BRWD3: variants seen among roughly 807,000 people sequenced by gnomAD.
BRWD3 encodes bromodomain and WD repeat-containing protein 3.
BRWD3 carries 10 observed loss-of-function variants against 149.7 expected under a neutral mutation model. The observed-to-expected ratio is 0.07, with a 90% CI of 0.04 to 0.11. The LOEUF is 0.11. Ranked by LOEUF, BRWD3 falls within the 10% of genes least tolerant of loss-of-function variation. The probability of loss-of-function intolerance (pLI) is 1.00; values close to 1 mark genes in which losing one functional copy is unlikely to be tolerated. For synonymous variants in BRWD3, 504 were observed against 456.7 expected, an observed-to-expected ratio of 1.10 and a Z score of -1.32; for missense variants, 940 against 1,373.2, an observed-to-expected ratio of 0.68 and a Z score of 4.99.
chrX:80,802,524 C>A (rs2074311255), intron 4 of BRWD3, among the ~76,000 whole-genome samples: 1 of 105,583 alleles, frequency 9.5e-6, no homozygotes, highest in Non-Finnish European at 1.9e-5. Context: ...AATATAACAT[C>A]TGGGGTCATA....
intron 14 of BRWD3, among the ~76,000 whole-genome samples, chrX:80,725,807 T>C (rs2073214345): frequency 1.1e-5 from 1 of 94,165 alleles, no homozygotes; most frequent in African/African-American, 4.3e-5. Flanking sequence ...TGTTTACATG[T>C]GTTACATGCC....
intron 4 of BRWD3, among the ~76,000 whole-genome samples, chrX:80,807,355 T>C (rs1241148870): frequency 8.9e-6 from 1 of 112,281 alleles, no homozygotes; most frequent in Non-Finnish European, 1.9e-5. Context: ...AATAATAATG[T>C]GGCCTCACTG....
At chrX:80,760,785 T>A (rs1331479044) in intron 6 of BRWD3, among the ~76,000 whole-genome samples, 1 of 111,870 alleles carries the variant, frequency 8.9e-6, no homozygotes, top group Non-Finnish European at 1.9e-5. Context: ...ATGCAACCCA[T>A]TATTTTAGAA....
chrX:80,695,848 T>C, intron 27 of BRWD3, 60 bp downstream of exon 27: 1 of 968,370 alleles, frequency 1.0e-6, no homozygotes, highest in Non-Finnish European at 1.5e-6. Context: ...TAAATCACAG[T>C]TAAAAAGTTA....
chrX:80,741,265 T>C lies in BRWD3; in HGVS notation c.813+2767A>G, dbSNP rs923173884. 6.2e-5 allele frequency among the ~76,000 whole-genome samples: 7 copies of C among 112,174 alleles called. 1 individual carries two copies. ...CATCACTTTGTATGGCTGCATAGTA[T>C]TCCATGGTGTATATGTGCCACATTT... On this transcript the variant is annotated intron_variant, in intron 8 of 40. Transcript: ENST00000373275.
chrX:80,809,325 G>C (rs1294702466), intron 1 of BRWD3, 21 bp from the exon 2 acceptor site: 3 of 1,179,487 alleles, frequency 2.5e-6, no homozygotes, highest in Non-Finnish European at 1.1e-6. Context: ...GGGGGGAAAA[G>C]AGGTTCAGAG....
intron 4 of BRWD3, among the ~76,000 whole-genome samples, chrX:80,802,460 A>AT (rs1400167604): frequency 9.3e-5 from 10 of 107,881 alleles, no homozygotes; most frequent in Non-Finnish European, 1.9e-4. Context: ...AAAAAAAAAA[A>AT]AAAAAAAATT....
chrX:80,776,984 G>C (rs2074005859), intron 6 of BRWD3, among the ~76,000 whole-genome samples: 1 of 110,167 alleles, frequency 9.1e-6, no homozygotes, highest in African/African-American at 3.3e-5. Context: ...TGTTACTTGG[G>C]AGTTTACTCG....
chrX:80,726,691 A>C (rs779427655), intron 14 of BRWD3, among the ~76,000 whole-genome samples: 7 of 110,806 alleles, frequency 6.3e-5, no homozygotes, highest in Non-Finnish European at 1.3e-4. Context: ...ATCCTACCAT[A>C]TTACGATTAT....
At chrX:80,788,923 G>T (rs1305120764) in intron 6 of BRWD3, among the ~76,000 whole-genome samples, 1 of 111,739 alleles carries the variant, frequency 8.9e-6, no homozygotes, top group East Asian at 2.8e-4. Context: ...AAAGATTAGT[G>T]GTTTCCAGGG....
chrX:80,700,095 C>G, intron 24 of BRWD3, 31 bp from the exon 25 acceptor site: 1 of 1,057,396 alleles, frequency 9.5e-7, no homozygotes. Context: ...TATTAAACAG[C>G]AGCATCCTAT....
chrX:80,762,989 C>A (rs1013260013), intron 6 of BRWD3, among the ~76,000 whole-genome samples: 2 of 110,394 alleles, frequency 1.8e-5, no homozygotes, highest in African/African-American at 6.6e-5. Context: ...GAATAGTGAT[C>A]GCTACTATAA....
At chrX:80,805,275 T>C (rs1242201555) in intron 4 of BRWD3, among the ~76,000 whole-genome samples, 1 of 111,626 alleles carries the variant, frequency 9.0e-6, no homozygotes, top group African/African-American at 3.3e-5. Context: ...TAATGAAATG[T>C]TGAAGAAATT....
chrX:80,793,567 A>C, intron 5 of BRWD3, 55 bp downstream of exon 5: 1 of 1,111,883 alleles, frequency 9.0e-7, no homozygotes, highest in African/African-American at 1.8e-5. Flanking sequence ...TCTAAAAATA[A>C]GCTACTCTCC....
chrX:80,778,724 C>T (rs2074024162), intron 6 of BRWD3, among the ~76,000 whole-genome samples: 1 of 112,688 alleles, frequency 8.9e-6, no homozygotes, highest in East Asian at 2.8e-4. Context: ...TTTGGCCAGG[C>T]ACGGTGGCTC....
intron 6 of BRWD3, among the ~76,000 whole-genome samples, chrX:80,750,936 A>G (rs796990134): frequency 1.8e-5 from 2 of 111,240 alleles, no homozygotes; most frequent in South Asian, 7.6e-4. Context: ...ATTGGAAATT[A>G]TGCCATTCAC....
chrX:80,700,685 C>T (rs934790603), intron 24 of BRWD3, among the ~76,000 whole-genome samples: 4 of 105,651 alleles, frequency 3.8e-5, no homozygotes, highest in Admixed American at 2.1e-4. Flanking sequence ...TGCAGTGAGC[C>T]GAGATCGCAA....
intron 4 of BRWD3, among the ~76,000 whole-genome samples, chrX:80,794,728 TAATC>T (rs1464688342): frequency 4.5e-5 from 5 of 110,503 alleles, no homozygotes; most frequent in African/African-American, 1.6e-4. Flanking sequence ...TTAAATGTCT[TAATC>T]AAGTCATTTG....
chrX:80,701,415 G>A (rs2072785599), intron 24 of BRWD3, among the ~76,000 whole-genome samples: 1 of 106,932 alleles, frequency 9.4e-6, no homozygotes, highest in East Asian at 3.0e-4. Context: ...GGGCGTGGTG[G>A]TGCACGCCTG....
Sources: gnomAD v4.1 joint callset for allele counts (sites outside exome capture counted in the v4.1 genomes callset) on GRCh38, gnomAD v4.1.1 for gene constraint, MANE v1.5 for transcripts, NCBI Gene and HGNC (gene_info 2026-07-23, HGNC 2026-07-21) for gene names.